The following VPS18 variants were observed in gnomAD, a reference collection of about 807,000 sequenced individuals.
The protein encoded by VPS18 is vacuolar protein sorting-associated protein 18 homolog.
In VPS18, 25 loss-of-function variants were observed where a neutral mutation model predicts 82.0. The observed-to-expected ratio is 0.30, with a 90% CI of 0.22 to 0.43. The LOEUF is 0.43. Ranked by LOEUF, VPS18 falls within the 20% of genes least tolerant of loss-of-function variation. The probability of loss-of-function intolerance (pLI) is 1.00; values close to 1 mark genes in which losing one functional copy is unlikely to be tolerated. For missense variants in VPS18, 1,168 were observed against 1,311.1 expected (o/e 0.89, Z 1.69); for synonymous variants, 523 against 543.0 (o/e 0.96, Z 0.51).
chr15:40,900,241 C>A lies in VPS18; in HGVS notation c.1423C>A (p.Arg475=). Residue 475 remains arginine, a synonymous_variant, in exon 4 of 5, where the codon CGA becomes AGA. Transcript: ENST00000220509. The surrounding 1 kb of genome is among the most constrained non-coding windows in gnomAD (Gnocchi z 5.4). ...GGAGGCTCTGGCTGAGTTCCTGCAG[C>A]GAAAACTGGCCAGTTTGAAGCCAGC... is the stretch of plus-strand genomic sequence containing the variant. The part of the protein sequence containing the change: ...QEEALAEFLQ[R]KLASLKPAER... 1 of 1,613,786 alleles carries A rather than the reference C, an allele frequency of 6.2e-7. No individual in the cohort carries two copies.
chr15:40,898,064 T>C (rs2142036588), intron 2 of VPS18, among the ~76,000 whole-genome samples: 1 of 152,312 alleles, frequency 6.6e-6, no homozygotes, highest in African/African-American at 2.4e-5. Flanking sequence ...CCTCCCGGGT[T>C]CACGCCATTC....
In VPS18 at chr15:40,899,869, G is replaced by A. The variant is rs369313801; in HGVS notation, c.1051G>A (p.Gly351Arg). 61 of 1,608,918 alleles carry A rather than the reference G, an allele frequency of 3.8e-5. 1 individual carries two copies. In the East Asian group the frequency reaches 7.6e-4, roughly 20 times the overall value. The change falls in exon 4 of 5, where the codon GGG (glycine) becomes AGG (arginine). Residue 351 changes from glycine to arginine, a missense_variant. Coordinates refer to ENST00000220509, the MANE Select transcript of VPS18 (RefSeq NM_020857.3). This position sits in a 1 kb window ranked among gnomAD's most constrained non-coding sequence, Gnocchi z 4.4. ...GGTGGAGGCAGTGTGCACACTGACCGGGCAGGTGGTGCTGCGGGATCACTT... is the reference window on the plus strand; with the variant it reads ...GGTGGAGGCAGTGTGCACACTGACCAGGCAGGTGGTGCTGCGGGATCACTT... ...DRVEAVCTLT[G>R]QVVLRDHFLE...
Position 40,900,697 on chromosome 15 carries a change from A to G in VPS18, c.1879A>G (p.Ile627Val), listed in dbSNP as rs912681299. Residue 627 changes from isoleucine to valine, a missense_variant, in exon 4 of 5, where the codon ATT becomes GTT. By Grantham distance (29) the Ile-to-Val change is conservative. Coordinates refer to ENST00000220509, the MANE Select transcript of VPS18 (RefSeq NM_020857.3). This position sits in a 1 kb window ranked among gnomAD's most constrained non-coding sequence, Gnocchi z 5.4. Reference sequence around the variant, plus strand: ...CAGCCGGCTGGATGCTCGTCAGCTCATTCCTGCCCTGGTGAACTACAGCCA... The same window carrying G: ...CAGCCGGCTGGATGCTCGTCAGCTCGTTCCTGCCCTGGTGAACTACAGCCA... Reference protein sequence around the residue: ...MGSRLDARQLIPALVNYSQGG... With the variant: ...MGSRLDARQLVPALVNYSQGG... 1 of 1,614,184 alleles carries G rather than the reference A, an allele frequency of 6.2e-7. No individual in the cohort carries two copies. Among genetic ancestry groups the G allele is most frequent in the Non-Finnish European group, 8.5e-7 (1 of 1,180,038 alleles).
rs759421176 is a variant in VPS18, at chr15:40,899,480, T to C, written c.662T>C (p.Ile221Thr). 3 of 1,611,288 alleles carry C rather than the reference T, an allele frequency of 1.9e-6. No individual in the cohort carries two copies. Among genetic ancestry groups the C allele is most frequent in the African/African-American group, 1.3e-5 (1 of 75,024 alleles). The change falls in exon 4 of 5, where the codon ATT (isoleucine) becomes ACT (threonine). Residue 221 changes from isoleucine (I) to threonine (T), a missense_variant. Physicochemically the swap from Ile to Thr is moderately conservative, Grantham distance 89 (BLOSUM62 -1). Coordinates refer to ENST00000220509, the MANE Select transcript of VPS18 (RefSeq NM_020857.3). The surrounding 1 kb of genome is among the most constrained non-coding windows in gnomAD (Gnocchi z 4.4). ...ERGPDGRSFV[I>T]ATTRQRLFQF... is the part of the protein sequence containing the mutation. ...GGCCCTGATGGGCGTAGCTTTGTTA[T>C]TGCCACCACTCGGCAGCGCCTCTTC...
chr15:40,895,859 C>A lies in VPS18; in HGVS notation c.92-79C>A, dbSNP rs563865185. ...TATGTCAGGAAAGTGGCGAGGAGCA[C>A]TGTGGTGTTTTTTCTGCCTCTCCTT... On this transcript the variant is annotated intron_variant, in intron 1 of 4. Coordinates refer to ENST00000220509, the MANE Select transcript of VPS18 (RefSeq NM_020857.3). 1.3e-5 allele frequency: 21 copies of A among 1,583,118 alleles called. No homozygotes were observed. In the South Asian group the frequency reaches 1.8e-4, roughly 14 times the overall value.
chr15:40,898,392 C>A (rs1464270230), intron 2 of VPS18, among the ~76,000 whole-genome samples: 1 of 152,040 alleles, frequency 6.6e-6, no homozygotes, highest in Non-Finnish European at 1.5e-5. Context: ...AGCCACTGCA[C>A]CTGGCAAGAG....
chr15:40,896,071 A>G lies in VPS18; in HGVS notation c.225A>G (p.Thr75=), dbSNP rs1892224971. ...NQLCMSLGKD[T]LLRIDLGKAN... The stretch of plus-strand genomic sequence containing the variant: ...TGTGCATGAGCCTGGGCAAGGATAC[A>G]CTGCTCCGGTAATCAAGAGCTCACA... The change falls in exon 2 of 5, where the codon ACA becomes ACG. Residue 75 remains threonine, a synonymous_variant. Transcript: ENST00000220509. 1.2e-6 allele frequency: 2 copies of G among 1,614,172 alleles called. No homozygotes were observed. The highest frequency in any genetic ancestry group is 2.2e-5 in the South Asian group (2 of 91,088).
rs773836935 is a variant in VPS18 at position 40,902,738 on chromosome 15, C to T, written c.2319C>T (p.Ala773=). 1 of 1,614,306 alleles carries T rather than the reference C, an allele frequency of 6.2e-7. No homozygotes were observed. Reference sequence around the variant, plus strand: ...AGGAAGAGGAAGATGTACAGACAGCCATGGCTTGCCTGGCTAGCTGCCCCT... The same window carrying T: ...AGGAAGAGGAAGATGTACAGACAGCTATGGCTTGCCTGGCTAGCTGCCCCT... ...VVQEEEDVQT[A]MACLASCPLL... Residue 773 remains alanine, a synonymous_variant, in exon 5 of 5, where the codon GCC becomes GCT. Transcript: ENST00000220509. This position sits in a 1 kb window ranked among gnomAD's most constrained non-coding sequence, Gnocchi z 4.2.
intron 2 of VPS18, among the ~76,000 whole-genome samples, chr15:40,897,577 C>T (rs773757239): frequency 6.6e-6 from 1 of 152,186 alleles, no homozygotes; most frequent in Non-Finnish European, 1.5e-5. Context: ...ATTCTTTATA[C>T]ATCTTTGCAT....
chr15:40,899,390 G>A lies in VPS18; in HGVS notation c.572G>A (p.Arg191His), dbSNP rs1223413318. 8.7e-6 allele frequency: 14 copies of A among 1,607,842 alleles called. No individual in the cohort carries two copies. Among genetic ancestry groups the A allele is most frequent in the Admixed American group, 5.0e-5 (3 of 59,856 alleles). The change falls in exon 4 of 5, where the codon CGC becomes CAC. Residue 191 changes from arginine (R) to histidine (H), a missense_variant. Transcript: ENST00000220509. This position sits in a 1 kb window ranked among gnomAD's most constrained non-coding sequence, Gnocchi z 4.4. ...GGCCCTGCTCCGGATCTCTACTTCCGCCCATTGTACGTGCTAAATGAAGAA... is the reference window on the plus strand; with the variant it reads ...GGCCCTGCTCCGGATCTCTACTTCCACCCATTGTACGTGCTAAATGAAGAA... ...LFGPAPDLYF[R>H]PLYVLNEEGG... is the part of the protein sequence containing the mutation.
In VPS18 at chr15:40,896,012, C is replaced by T. The variant is rs528580152; in HGVS notation, c.166C>T (p.Arg56Cys). ...KQRIDFTPSE[R>C]ITSLVVSSNQ... is the part of the protein sequence containing the mutation. Reference sequence around the variant, plus strand: ...GCGCATTGACTTCACCCCTTCCGAGCGCATTACCAGTCTTGTCGTCTCCAG... The same window carrying T: ...GCGCATTGACTTCACCCCTTCCGAGTGCATTACCAGTCTTGTCGTCTCCAG... Residue 56 changes from arginine to cysteine, a missense_variant, in exon 2 of 5, where the codon CGC becomes TGC. Around this residue, in one of 3 missense-constraint regions of VPS18, gnomAD observed 868 missense variants for 939.8 expected, o/e 0.92. Transcript: ENST00000220509. 3.7e-6 allele frequency: 6 copies of T among 1,614,196 alleles called. No homozygotes were observed. The highest frequency in any genetic ancestry group is 2.7e-5 in the African/African-American group (2 of 75,044).
At position 40,903,070 on chromosome 15, in the gene VPS18, G is replaced by C. The variant is rs758721464; in HGVS notation, c.2651G>C (p.Arg884Pro). 2 of 1,614,088 alleles carry C rather than the reference G, an allele frequency of 1.2e-6. No homozygotes were observed. The highest frequency in any genetic ancestry group is 3.3e-5 in the Admixed American group (2 of 60,020). Reference protein sequence around the residue: ...FHADCLLQAVRPGLPAYKQAR... With the variant: ...FHADCLLQAVPPGLPAYKQAR... ...GCTGACTGCCTGCTGCAGGCTGTGCGACCTGGCCTGCCAGCCTACAAGCAG... is the reference window on the plus strand; with the variant it reads ...GCTGACTGCCTGCTGCAGGCTGTGCCACCTGGCCTGCCAGCCTACAAGCAG... Residue 884 changes from arginine to proline, a missense_variant, in exon 5 of 5, where the codon CGA becomes CCA. By Grantham distance (103) the Arg-to-Pro change is moderately radical. Coordinates refer to ENST00000220509, the MANE Select transcript of VPS18 (RefSeq NM_020857.3).
At position 40,901,134 on chromosome 15, in the gene VPS18, G is replaced by T. The variant is rs1269827171; in HGVS notation, c.2196+120G>T. 5.7e-6 allele frequency: 6 copies of T among 1,048,056 alleles called. No individual in the cohort carries two copies. The African/African-American group carries it at 8.0e-5, about 14-fold the overall frequency. 64.9% of individuals were successfully genotyped at this position (1,048,056 alleles called of 1,614,324 possible). A position where few individuals can be genotyped will look rare whatever the true frequency, so the allele number is the denominator to read the frequency against. ...CTGGCTTCCCTTGCAGAGAGGGAAG[G>T]TTAAGAGCATGGACTGTTAAGTCAG... On this transcript the variant is annotated intron_variant, in intron 4 of 4. Coordinates refer to ENST00000220509, the MANE Select transcript of VPS18 (RefSeq NM_020857.3).
intron 1 of VPS18, among the ~76,000 whole-genome samples, chr15:40,895,678 C>T (rs531184538): frequency 1.3e-5 from 2 of 152,204 alleles, no homozygotes; most frequent in Non-Finnish European, 2.9e-5. Context: ...CCAGTGGGAG[C>T]AGGTATATCA....
chr15:40,902,504 C>T lies in VPS18; in HGVS notation c.2197-112C>T. The stretch of plus-strand genomic sequence containing the variant: ...TGGCAGCGGCAGGCCCCCTTGCTTC[C>T]AGGAGTGCTGGGAATCCTGCCTCGG... On this transcript the variant is annotated intron_variant, in intron 4 of 4. Coordinates refer to ENST00000220509, the MANE Select transcript of VPS18 (RefSeq NM_020857.3). This position sits in a 1 kb window ranked among gnomAD's most constrained non-coding sequence, Gnocchi z 4.2. The T allele has an allele frequency of 1.4e-6, 2 of 1,422,408 alleles. No individual in the cohort carries two copies. Among genetic ancestry groups the T allele is most frequent in the South Asian group, 1.4e-5 (1 of 69,784 alleles). The allele number at this position is 1,422,408 out of a possible 1,614,324, so 88.1% of individuals were successfully genotyped here.
In VPS18 at chr15:40,899,367, C is replaced by T; in HGVS notation, c.549C>T (p.Gly183=). Residue 183 remains glycine (G), a synonymous_variant, in exon 4 of 5, where the codon GGC becomes GGT. Transcript: ENST00000220509. The surrounding 1 kb of genome is among the most constrained non-coding windows in gnomAD (Gnocchi z 4.4). ...CAGCCAGCGAAGGTGGGCTTTTCGGCCCTGCTCCGGATCTCTACTTCCGCC... is the reference window on the plus strand; with the variant it reads ...CAGCCAGCGAAGGTGGGCTTTTCGGTCCTGCTCCGGATCTCTACTTCCGCC... ...ELSASEGGLF[G]PAPDLYFRPL... is the part of the protein sequence containing the mutation. 1 of 1,611,250 alleles carries T rather than the reference C, an allele frequency of 6.2e-7. No individual in the cohort carries two copies. The highest frequency in any genetic ancestry group is 8.5e-7 in the Non-Finnish European group (1 of 1,177,680).
chr15:40,902,507 G>C lies in VPS18; in HGVS notation c.2197-109G>C. The C allele has an allele frequency of 7.0e-7, 1 of 1,431,126 alleles. No homozygotes were observed. Among genetic ancestry groups the C allele is most frequent in the South Asian group, 1.4e-5 (1 of 70,244 alleles). 88.7% of individuals were successfully genotyped at this position (1,431,126 alleles called of 1,614,324 possible). Reference sequence around the variant, plus strand: ...CAGCGGCAGGCCCCCTTGCTTCCAGGAGTGCTGGGAATCCTGCCTCGGGGC... The same window carrying C: ...CAGCGGCAGGCCCCCTTGCTTCCAGCAGTGCTGGGAATCCTGCCTCGGGGC... On this transcript the variant is annotated intron_variant, in intron 4 of 4. Coordinates refer to ENST00000220509, the MANE Select transcript of VPS18 (RefSeq NM_020857.3). The surrounding 1 kb of genome is among the most constrained non-coding windows in gnomAD (Gnocchi z 4.2).
In VPS18 at chr15:40,899,295, C is replaced by G; in HGVS notation, c.477C>G (p.Pro159=). The stretch of plus-strand genomic sequence containing the variant: ...TGGGCACGGAGAGCAGCACAGGCCC[C>G]ATCCTGGTCGGGACTGCCCAAGGCC... ...KALGTESSTG[P]ILVGTAQGHI... is the part of the protein sequence containing the mutation. The change falls in exon 4 of 5, where the codon CCC becomes CCG. Residue 159 remains proline, a synonymous_variant. Transcript: ENST00000220509. The surrounding 1 kb of genome is among the most constrained non-coding windows in gnomAD (Gnocchi z 4.4). 6.2e-7 allele frequency: 1 copy of G among 1,614,258 alleles called. No homozygotes were observed. Among genetic ancestry groups the G allele is most frequent in the South Asian group, 1.1e-5 (1 of 91,090 alleles).
rs772382407 is a variant in VPS18, at chr15:40,898,985, C to G, written c.312C>G (p.Phe104Leu). ...RKDDAKVHKM[F>L]LDHTGSHLLI... ...ATGACGCAAAAGTTCACAAGATGTT[C>G]CTTGACCATACTGGTAAGTAACAGT... Residue 104 changes from phenylalanine (F) to leucine (L), a missense_variant, in exon 3 of 5, where the codon TTC becomes TTG. Around this residue, in one of 3 missense-constraint regions of VPS18, gnomAD observed 868 missense variants for 939.8 expected, o/e 0.92. Transcript: ENST00000220509. The G allele has an allele frequency of 6.2e-7, 1 of 1,613,984 alleles. No homozygotes were observed. Among genetic ancestry groups the G allele is most frequent in the African/African-American group, 1.3e-5 (1 of 74,918 alleles).
Sources: allele counts gnomAD v4.1 joint callset (sites outside exome capture counted in the v4.1 genomes callset), GRCh38; gene constraint gnomAD v4.1.1; regional missense constraint gnomAD v4.1.1; non-coding constraint Gnocchi (gnomAD v3.1); transcripts MANE v1.5; gene names NCBI Gene and HGNC (gene_info 2026-07-23, HGNC 2026-07-21).